GSPT1: variants seen among roughly 807,000 people sequenced by gnomAD.
The protein encoded by GSPT1 is eukaryotic peptide chain release factor GTP-binding subunit ERF3A.
GSPT1 carries 20 observed loss-of-function variants against 72.5 expected under a neutral mutation model. That is an observed-to-expected ratio of 0.28 (90% CI 0.19 to 0.40). The LOEUF is 0.40. Among genes scored for constraint, GSPT1 ranks in the 10% least tolerant of loss-of-function variants. The probability of loss-of-function intolerance (pLI) is 1.00; values close to 1 mark genes in which losing one functional copy is unlikely to be tolerated. For synonymous variants in GSPT1, 334 were observed against 293.5 expected, an observed-to-expected ratio of 1.14 and a Z score of -1.41; for missense variants, 580 against 811.9, an observed-to-expected ratio of 0.71 and a Z score of 3.47.
intron 9 of GSPT1, among the ~76,000 whole-genome samples, chr16:11,885,770 C>CA (rs2054180178): frequency 6.6e-6 from 1 of 151,988 alleles, no homozygotes; most frequent in East Asian, 1.9e-4. Flanking sequence ...CATGTGCCTA[C>CA]AGTCCCTACG....
intron 5 of GSPT1, among the ~76,000 whole-genome samples, chr16:11,893,633 T>C (rs1264291028): frequency 6.6e-6 from 1 of 152,170 alleles, no homozygotes; most frequent in Non-Finnish European, 1.5e-5. Context: ...ATCTGTGTTC[T>C]CCACGTAGAC....
chr16:11,901,143 T>A (rs1431126736), intron 1 of GSPT1, among the ~76,000 whole-genome samples: 2 of 151,962 alleles, frequency 1.3e-5, no homozygotes, highest in Non-Finnish European at 2.9e-5. Flanking sequence ...GGCGAGAGAG[T>A]GACACCCTGT....
At position 11,915,124 on chromosome 16, in the gene GSPT1, G is replaced by A. The variant is rs1298346101; in HGVS notation, c.352+245C>T. On this transcript the variant is annotated intron_variant, in intron 1 of 14. Transcript: ENST00000434724. Reference sequence around the variant, plus strand: ...TCCAGAGCAGGGCAGGGGCGCGGAGGGGCGGCACTCGGGTCCGGGTCTTTG... The same window carrying A: ...TCCAGAGCAGGGCAGGGGCGCGGAGAGGCGGCACTCGGGTCCGGGTCTTTG... 7 of 1,115,960 alleles carry A rather than the reference G, an allele frequency of 6.3e-6. No individual in the cohort carries two copies. The East Asian group carries it at 3.9e-4, about 63-fold the overall frequency. 69.1% of individuals were successfully genotyped at this position (1,115,960 alleles called of 1,614,324 possible). A position where few individuals can be genotyped will look rare whatever the true frequency, so the allele number is the denominator to read the frequency against.
chr16:11,911,649 T>C (rs1418594497), intron 1 of GSPT1, among the ~76,000 whole-genome samples: 1 of 150,712 alleles, frequency 6.6e-6, no homozygotes, highest in Admixed American at 6.6e-5. Context: ...GCCTCCCAGA[T>C]TCAAGTGATT....
intron 6 of GSPT1, among the ~76,000 whole-genome samples, chr16:11,890,162 A>G (rs940022123): frequency 2.7e-5 from 4 of 150,478 alleles, no homozygotes; most frequent in Non-Finnish European, 4.4e-5. Context: ...GGGTTTCACC[A>G]TGTTAGCCAG....
intron 11 of GSPT1, among the ~76,000 whole-genome samples, chr16:11,879,059 A>T (rs1436929111): frequency 6.8e-6 from 1 of 146,664 alleles, no homozygotes; most frequent in Non-Finnish European, 1.5e-5. Flanking sequence ...CTGGGCAATA[A>T]GAGCGAAACT....
rs550579051 is a variant in GSPT1, at chr16:11,896,927, C to T, written c.437-142G>A. 3.5e-5 allele frequency: 22 copies of T among 635,928 alleles called. No homozygotes were observed. In the South Asian group the frequency reaches 4.3e-4, roughly 13 times the overall value. The allele number at this position is 635,928 out of a possible 1,614,324, so 39.4% of individuals were successfully genotyped here. On this transcript the variant is annotated intron_variant, in intron 3 of 14. Coordinates refer to ENST00000434724, the MANE Select transcript of GSPT1 (RefSeq NM_002094.4). ...CCTAGTGACACATAAGCAGGAAAAC[C>T]TCTTTCATAGCAGAAATGGGTGACA...
chr16:11,903,753 T>C (rs1253338026), intron 1 of GSPT1, among the ~76,000 whole-genome samples: 1 of 152,230 alleles, frequency 6.6e-6, no homozygotes, highest in Admixed American at 6.5e-5. Flanking sequence ...AGTGTGAATG[T>C]ACTAAATGCC....
At chr16:11,876,048 G>T in intron 13 of GSPT1, 38 bp downstream of exon 13, 1 of 1,473,658 alleles carries the variant, frequency 6.8e-7, no homozygotes, top group Non-Finnish European at 9.5e-7. Flanking sequence ...AGATAAAACA[G>T]TATTAAAACA....
intron 5 of GSPT1, among the ~76,000 whole-genome samples, chr16:11,893,385 A>G (rs1477656918): frequency 6.6e-6 from 1 of 152,108 alleles, no homozygotes; most frequent in African/African-American, 2.4e-5. Context: ...TTGGCCTCCC[A>G]AAATGCTAGG....
rs532257587 is a variant in GSPT1, at chr16:11,869,191, C to A, written c.*3928G>T. On this transcript the variant is annotated 3_prime_UTR_variant, in exon 15 of 15. Coordinates refer to ENST00000434724, the MANE Select transcript of GSPT1 (RefSeq NM_002094.4). ...TTACTACTGGAAAATAAAAACACTT[C>A]CTATTCTTTCTATTCCTATTCATTT... 6.6e-6 allele frequency: 1 copy of A among 152,308 alleles called. No homozygotes were observed. The highest frequency in any genetic ancestry group is 2.1e-4 in the South Asian group (1 of 4,822). The allele number at this position is 152,308 out of a possible 1,614,324, so 9.4% of individuals were successfully genotyped here. A position where few individuals can be genotyped will look rare whatever the true frequency, so the allele number is the denominator to read the frequency against.
chr16:11,878,811 G>A (rs1596456746), intron 11 of GSPT1, among the ~76,000 whole-genome samples: 1 of 151,758 alleles, frequency 6.6e-6, no homozygotes. Flanking sequence ...AGTGGCTCAC[G>A]CCTCAGCATT....
intron 7 of GSPT1, among the ~76,000 whole-genome samples, 190 bp downstream of exon 7, chr16:11,887,380 C>T (rs758901703): frequency 2.0e-5 from 3 of 151,980 alleles, no homozygotes; most frequent in South Asian, 2.1e-4. Flanking sequence ...AAAGGTGAAA[C>T]GTATTTTCAG....
rs1465932081 is a variant in GSPT1 at position 11,915,171 on chromosome 16, T to TCCCCGCC, written c.352+191_352+197dup. On this transcript the variant is annotated intron_variant, in intron 1 of 14. Coordinates refer to ENST00000434724, the MANE Select transcript of GSPT1 (RefSeq NM_002094.4). ...TTTGGGCGCGCTGCCCGCTGTCCGC[T>TCCCCGCC]CCCCGCCCGGCCACCGCCGCGGGCC... The TCCCCGCC allele has an allele frequency of 2.1e-4, 213 of 1,035,674 alleles. No homozygotes were observed. The African/African-American group carries it at 3.4e-3, about 17-fold the overall frequency. 64.2% of individuals were successfully genotyped at this position (1,035,674 alleles called of 1,614,324 possible).
At position 11,891,142 on chromosome 16, in the gene GSPT1, G is replaced by C; in HGVS notation, c.699-3C>G. On this transcript the variant is annotated splice_polypyrimidine_tract_variant and splice_region_variant and intron_variant, in intron 5 of 14. Coordinates refer to ENST00000434724, the MANE Select transcript of GSPT1 (RefSeq NM_002094.4). ...TGTCAACCATTCCAGTCAAATACCTGAAAACATTTAAAGAAAAAAAAAAGT... is the reference window on the plus strand; with the variant it reads ...TGTCAACCATTCCAGTCAAATACCTCAAAACATTTAAAGAAAAAAAAAAGT... The C allele has an allele frequency of 7.2e-6, 10 of 1,383,420 alleles. No homozygotes were observed. Among genetic ancestry groups the C allele is most frequent in the Non-Finnish European group, 9.8e-6 (10 of 1,022,630 alleles). 85.7% of individuals were successfully genotyped at this position (1,383,420 alleles called of 1,614,324 possible). A position where few individuals can be genotyped will look rare whatever the true frequency, so the allele number is the denominator to read the frequency against.
rs904917334 is a variant in GSPT1 at position 11,869,514 on chromosome 16, G to A, written c.*3605C>T. ...CAGTTTGATAAGGTAAGCCAACAAT[G>A]AATATAACATTTAACCATCCTAAAA... On this transcript the variant is annotated 3_prime_UTR_variant, in exon 15 of 15. Coordinates refer to ENST00000434724, the MANE Select transcript of GSPT1 (RefSeq NM_002094.4). 1.3e-5 allele frequency: 2 copies of A among 152,206 alleles called. No individual in the cohort carries two copies. Among genetic ancestry groups the A allele is most frequent in the Non-Finnish European group, 2.9e-5 (2 of 68,036 alleles). The allele number at this position is 152,206 out of a possible 1,614,324, so 9.4% of individuals were successfully genotyped here. A position where few individuals can be genotyped will look rare whatever the true frequency, so the allele number is the denominator to read the frequency against.
intron 3 of GSPT1, among the ~76,000 whole-genome samples, 169 bp from the exon 4 acceptor site, chr16:11,896,954 C>T (rs2054348022): frequency 6.6e-6 from 1 of 152,208 alleles, no homozygotes; most frequent in Non-Finnish European, 1.5e-5. Flanking sequence ...TGGGTGACAG[C>T]TTTCAAGGCA....
chr16:11,876,695 A>T (rs918084009), intron 12 of GSPT1, among the ~76,000 whole-genome samples: 1 of 152,166 alleles, frequency 6.6e-6, no homozygotes, highest in African/African-American at 2.4e-5. Context: ...GTGAGCCAAG[A>T]TCGCGCCACT....
intron 10 of GSPT1, among the ~76,000 whole-genome samples, chr16:11,884,864 C>G (rs778436694): frequency 1.8e-4 from 28 of 151,416 alleles, no homozygotes; most frequent in African/African-American, 5.3e-4. Context: ...GTCAGGAGAT[C>G]GAGACCATCC....
Sources: gnomAD v4.1 joint callset for allele counts (sites outside exome capture counted in the v4.1 genomes callset) on GRCh38, gnomAD v4.1.1 for gene constraint, MANE v1.5 for transcripts, NCBI Gene and HGNC (gene_info 2026-07-23, HGNC 2026-07-21) for gene names.